HECTD4: variants seen among roughly 807,000 people sequenced by gnomAD.
The protein encoded by HECTD4 is HECT domain E3 ubiquitin protein ligase 4, also known as probable E3 ubiquitin-protein ligase HECTD4.
In HECTD4, 114 loss-of-function variants were observed where a neutral mutation model predicts 471.5. The observed-to-expected ratio is 0.24, with a 90% CI of 0.21 to 0.28. HECTD4 has a LOEUF of 0.28. HECTD4 is among the 10% of genes least tolerant of loss of function. The pLI, the probability that HECTD4 is intolerant of heterozygous loss-of-function variation, is 1.00. For synonymous variants in HECTD4, 2,012 were observed against 2,256.0 expected (o/e 0.89, Z 3.07); for missense variants, 3,866 against 5,651.5 (o/e 0.68, Z 10.13).
chr12:112,337,539 C>A (rs925687770), intron 1 of HECTD4, among the ~76,000 whole-genome samples: 1 of 152,106 alleles, frequency 6.6e-6, no homozygotes, highest in African/African-American at 2.4e-5. Context: ...AAGAGTATGA[C>A]AATTCACGTA....
Position 112,358,433 on chromosome 12 carries a change from T to C in HECTD4, c.177+23519A>G, listed in dbSNP as rs142694886. On this transcript the variant is annotated intron_variant, in intron 1 of 75. Coordinates refer to ENST00000682272, the MANE Select transcript of HECTD4 (RefSeq NM_001388303.1). ...GAGTTCAAGACCAGCTTGAACAACA[T>C]AGCAAAACCTCATTTCAAAAAGAAA... Among the ~76,000 whole-genome samples the C allele has an allele frequency of 6.0e-4, 91 of 152,080 alleles. 1 individual carries two copies. Among genetic ancestry groups the C allele is most frequent in the African/African-American group, 2.1e-3 (88 of 41,484 alleles).
rs869244608 is a variant in HECTD4, at chr12:112,173,980, CTTTTTTT to C, written c.11595-1126_11595-1120del. ...TTTGGTAGCCATTTTCTTTCCTTTT[CTTTTTTT>C]TTTTTTTGAGTTGGAGTTTCACTCT... On this transcript the variant is annotated intron_variant, in intron 66 of 75. Coordinates refer to ENST00000682272, the MANE Select transcript of HECTD4 (RefSeq NM_001388303.1). The surrounding 1 kb of genome is among the most constrained non-coding windows in gnomAD (Gnocchi z 4.3). 7.1e-6 allele frequency among the ~76,000 whole-genome samples: 1 copy of C among 141,398 alleles called. No homozygotes were observed. Among genetic ancestry groups the C allele is most frequent in the Admixed American group, 7.1e-5 (1 of 14,172 alleles). 92.8% of individuals were successfully genotyped at this position (141,398 alleles called of 152,430 possible). A position where few individuals can be genotyped will look rare whatever the true frequency, so the allele number is the denominator to read the frequency against.
chr12:112,192,862 C>T (rs2032128028), intron 58 of HECTD4, 97 bp from the exon 59 acceptor site: 2 of 1,241,662 alleles, frequency 1.6e-6, no homozygotes, highest in East Asian at 2.5e-5. Context: ...TAGATGAGAA[C>T]TGGGCCCAAG....
intron 2 of HECTD4, among the ~76,000 whole-genome samples, chr12:112,316,381 C>T (rs1315785864): frequency 6.6e-6 from 1 of 152,148 alleles, no homozygotes; most frequent in East Asian, 1.9e-4. Flanking sequence ...CTGTCTTTTC[C>T]TATAGTGAAT....
intron 44 of HECTD4, among the ~76,000 whole-genome samples, chr12:112,224,754 C>T (rs1791452049): frequency 6.6e-6 from 1 of 152,142 alleles, no homozygotes; most frequent in Admixed American, 6.5e-5. Context: ...TCATGTGAGA[C>T]CACTGCTCTA....
At chr12:112,232,896 C>T (rs899781308) in intron 38 of HECTD4, 108 bp downstream of exon 38, 10 of 939,406 alleles carry the variant, frequency 1.1e-5, no homozygotes, top group Admixed American at 8.5e-5. Flanking sequence ...CTTGCCTCTT[C>T]GTTGGAACTT....
rs2032665897 is a variant in HECTD4, at chr12:112,208,645, A to G, written c.7868-15T>C. ...ACTATCATATTCTGTAACAGAGCAC[A>G]AGGACAGCGAATTCTAAACAAGAGC... On this transcript the variant is annotated splice_polypyrimidine_tract_variant and intron_variant, in intron 50 of 75. Coordinates refer to ENST00000682272, the MANE Select transcript of HECTD4 (RefSeq NM_001388303.1). 6.5e-7 allele frequency: 1 copy of G among 1,533,860 alleles called. No individual in the cohort carries two copies. Among genetic ancestry groups the G allele is most frequent in the Non-Finnish European group, 8.7e-7 (1 of 1,143,648 alleles).
chr12:112,172,801 C>T lies in HECTD4; in HGVS notation c.11655G>A (p.Met3885Ile). ...TGATGTACTGCACAAGTGCCACGTC[C>T]ATCTCCAGGGTCCACTTTCTTGAGG... is the stretch of plus-strand genomic sequence containing the variant. Reference protein sequence around the residue: ...QKASRKWTLEMDVALVQYINQ... With the variant: ...QKASRKWTLEIDVALVQYINQ... The change falls in exon 67 of 76, where the codon ATG (methionine) becomes ATA (isoleucine). Residue 3885 changes from methionine (M) to isoleucine (I), a missense_variant. Around this residue, in one of 16 missense-constraint regions of HECTD4, gnomAD observed 715 missense variants for 1,087.6 expected, o/e 0.66. Transcript: ENST00000682272. 1.2e-6 allele frequency: 2 copies of T among 1,614,002 alleles called. No individual in the cohort carries two copies. The highest frequency in any genetic ancestry group is 1.1e-5 in the South Asian group (1 of 91,086).
At chr12:112,344,926 GAA>G (rs2036120716) in intron 1 of HECTD4, among the ~76,000 whole-genome samples, 1 of 151,660 alleles carries the variant, frequency 6.6e-6, no homozygotes, top group African/African-American at 2.4e-5. Flanking sequence ...CTCAAAAAAA[GAA>G]AAGAGAAGAG....
In HECTD4 at chr12:112,235,019, G is replaced by C; in HGVS notation, c.5915+58C>G. The stretch of plus-strand genomic sequence containing the variant: ...ACATGTACAGGGCTTACTTAGCACA[G>C]TGCCTGTGACATGGGTGGTGCTTGA... On this transcript the variant is annotated intron_variant, in intron 37 of 75. Transcript: ENST00000682272. The surrounding 1 kb of genome is among the most constrained non-coding windows in gnomAD (Gnocchi z 5.0). 1 of 1,479,638 alleles carries C rather than the reference G, an allele frequency of 6.8e-7. No individual in the cohort carries two copies. The highest frequency in any genetic ancestry group is 9.2e-7 in the Non-Finnish European group (1 of 1,091,226). 91.7% of individuals were successfully genotyped at this position (1,479,638 alleles called of 1,614,324 possible). A position where few individuals can be genotyped will look rare whatever the true frequency, so the allele number is the denominator to read the frequency against.
chr12:112,379,141 T>C (rs541411496), intron 1 of HECTD4, among the ~76,000 whole-genome samples: 10 of 152,258 alleles, frequency 6.6e-5, no homozygotes, highest in Admixed American at 6.5e-4. Flanking sequence ...CTGTAGCCAG[T>C]TATGAAATTT....
chr12:112,228,496 T>G lies in HECTD4; in HGVS notation c.6684+151A>C. On this transcript the variant is annotated intron_variant, in intron 42 of 75. Coordinates refer to ENST00000682272, the MANE Select transcript of HECTD4 (RefSeq NM_001388303.1). The surrounding 1 kb of genome is among the most constrained non-coding windows in gnomAD (Gnocchi z 4.9). ...AAAATTTTCACATAAGCATTACTATTAAATAACTATAACCAATACATAAAT... is the reference window on the plus strand; with the variant it reads ...AAAATTTTCACATAAGCATTACTATGAAATAACTATAACCAATACATAAAT... 1 of 864,712 alleles carries G rather than the reference T, an allele frequency of 1.2e-6. No individual in the cohort carries two copies. The allele number at this position is 864,712 out of a possible 1,614,324, so 53.6% of individuals were successfully genotyped here.
In HECTD4 at chr12:112,162,562, C is replaced by T. The variant is rs779195250; in HGVS notation, c.13121-39G>A. On this transcript the variant is annotated intron_variant, in intron 75 of 75. Coordinates refer to ENST00000682272, the MANE Select transcript of HECTD4 (RefSeq NM_001388303.1). This position sits in a 1 kb window ranked among gnomAD's most constrained non-coding sequence, Gnocchi z 5.2. The stretch of plus-strand genomic sequence containing the variant: ...AGCCAGCATCAGAGGGTTGGGCCCA[C>T]ATCTGTGAGGCTCCCAGGGAAGCTG... 18 of 1,612,792 alleles carry T rather than the reference C, an allele frequency of 1.1e-5. No homozygotes were observed. Among genetic ancestry groups the T allele is most frequent in the Non-Finnish European group, 1.5e-5 (18 of 1,179,294 alleles).
At chr12:112,279,474 G>A (rs1004908785) in intron 8 of HECTD4, 88 bp from the exon 9 acceptor site, 52 of 1,110,752 alleles carry the variant, frequency 4.7e-5, no homozygotes, top group Non-Finnish European at 6.2e-5. Flanking sequence ...TAATGAGGGA[G>A]ACCCAAACTC....
chr12:112,200,966 A>G (rs1271594602), intron 54 of HECTD4, among the ~76,000 whole-genome samples, 168 bp from the exon 55 acceptor site: 1 of 152,186 alleles, frequency 6.6e-6, no homozygotes, highest in Admixed American at 6.6e-5. Context: ...GCTATTTCAT[A>G]GACAAACGAA....
At chr12:112,169,458 T>C (rs1180581259) in intron 70 of HECTD4, 45 bp downstream of exon 70, 7 of 1,557,758 alleles carry the variant, frequency 4.5e-6, no homozygotes, top group Non-Finnish European at 5.2e-6. Context: ...GGCTGGACAC[T>C]AAACACAGCT....
chr12:112,196,716 G>C (rs563526051), intron 55 of HECTD4, among the ~76,000 whole-genome samples: 2 of 152,210 alleles, frequency 1.3e-5, no homozygotes, highest in South Asian at 2.1e-4. Context: ...TTAGCCTCTT[G>C]AGTAGCTGGG....
chr12:112,222,765 T>C (rs1215912916), intron 44 of HECTD4, among the ~76,000 whole-genome samples: 3 of 151,918 alleles, frequency 2.0e-5, no homozygotes, highest in Admixed American at 1.3e-4. Context: ...GCCCAGAAGG[T>C]TGTGGCTGCA....
chr12:112,311,262 C>CA (rs533449245), intron 4 of HECTD4, among the ~76,000 whole-genome samples: 150 of 120,210 alleles, frequency 1.2e-3, no homozygotes, highest in African/African-American at 1.7e-3. Flanking sequence ...AGCTCTGTCT[C>CA]AAAAAAAAAA....
Sources: gnomAD v4.1 joint callset for allele counts (sites outside exome capture counted in the v4.1 genomes callset) on GRCh38, gnomAD v4.1.1 for gene constraint, gnomAD v4.1.1 regional missense constraint, Gnocchi (gnomAD v3.1) non-coding constraint, MANE v1.5 for transcripts, NCBI Gene and HGNC (gene_info 2026-07-23, HGNC 2026-07-21) for gene names.